GABRB1: variants seen among roughly 807,000 people sequenced by gnomAD.
GABRB1 encodes the protein gamma-aminobutyric acid type A receptor subunit beta1, also known as gamma-aminobutyric acid receptor subunit beta-1.
A neutral mutation model predicts 51.6 loss-of-function variants in GABRB1; 17 were observed. That is an observed-to-expected ratio of 0.33 (90% confidence interval 0.23 to 0.49). The LOEUF (loss-of-function observed/expected upper bound fraction) is 0.49. Ranked by LOEUF, GABRB1 falls within the 20% of genes least tolerant of loss-of-function variation. GABRB1 has a pLI of 0.99. For synonymous variants in GABRB1, 247 were observed against 218.9 expected, an observed-to-expected ratio of 1.13 and a Z score of -1.14; for missense variants, 410 against 600.6, an observed-to-expected ratio of 0.68 and a Z score of 3.32.
intron 5 of GABRB1, among the ~76,000 whole-genome samples, chr4:47,384,555 T>G (rs915334143): frequency 5.9e-5 from 9 of 152,118 alleles, no homozygotes; most frequent in African/African-American, 4.8e-5. Flanking sequence ...ATATTCTGAA[T>G]AGTTTCCCAC....
chr4:47,245,072 A>C (rs189320589), intron 4 of GABRB1, among the ~76,000 whole-genome samples: 2 of 152,156 alleles, frequency 1.3e-5, no homozygotes, highest in Non-Finnish European at 2.9e-5. Flanking sequence ...TTTTTTGAAA[A>C]GATCAACAAA....
intron 3 of GABRB1, among the ~76,000 whole-genome samples, chr4:47,093,739 T>C (rs897683816): frequency 6.6e-6 from 1 of 152,200 alleles, no homozygotes; most frequent in Non-Finnish European, 1.5e-5. Flanking sequence ...ATTGAAAATT[T>C]AAGAGTTGAT....
chr4:47,397,367 T>C (rs1231978941), intron 5 of GABRB1, among the ~76,000 whole-genome samples: 1 of 152,222 alleles, frequency 6.6e-6, no homozygotes, highest in African/African-American at 2.4e-5. Flanking sequence ...CATGATTTCT[T>C]AAGCTATCTT....
At chr4:47,341,967 A>G (rs796938182) in intron 5 of GABRB1, among the ~76,000 whole-genome samples, 1 of 152,170 alleles carries the variant, frequency 6.6e-6, no homozygotes, top group African/African-American at 2.4e-5. Context: ...AAGATTATTT[A>G]GGTCAACTCC....
At chr4:47,238,364 T>C (rs1006508329) in intron 4 of GABRB1, among the ~76,000 whole-genome samples, 3 of 152,160 alleles carry the variant, frequency 2.0e-5, no homozygotes, top group Non-Finnish European at 4.4e-5. Flanking sequence ...CAAAATTAAC[T>C]ATTTTTTAGA....
intron 3 of GABRB1, among the ~76,000 whole-genome samples, chr4:47,157,610 T>C (rs1275316005): frequency 2.6e-5 from 4 of 152,074 alleles, no homozygotes; most frequent in Admixed American, 2.6e-4. Flanking sequence ...ATAATAGATA[T>C]GAAAGGGTTA....
chr4:47,019,645 T>C (rs1267144405), intron 1 of GABRB1, among the ~76,000 whole-genome samples: 6 of 137,576 alleles, frequency 4.4e-5, no homozygotes, highest in South Asian at 4.9e-4. Context: ...CTTTCTTTCT[T>C]TCTTTCTTTC....
intron 4 of GABRB1, among the ~76,000 whole-genome samples, chr4:47,174,237 C>T (rs1171087242): frequency 6.6e-6 from 1 of 151,878 alleles, no homozygotes; most frequent in Non-Finnish European, 1.5e-5. Context: ...TTTGTGTCAT[C>T]ATTTATTTTT....
chr4:47,360,403 A>G (rs1560351060), intron 5 of GABRB1, among the ~76,000 whole-genome samples: 1 of 151,950 alleles, frequency 6.6e-6, no homozygotes, highest in Non-Finnish European at 1.5e-5. Context: ...TAAAAATGGA[A>G]TCCAGCCTCT....
intron 1 of GABRB1, among the ~76,000 whole-genome samples, chr4:47,008,852 C>CTT (rs777676653): frequency 0.016 from 879 of 56,478 alleles, 402 homozygotes; most frequent in African/African-American, 0.03. Context: ...TCAGATACTA[C>CTT]CTTTTTTTTT....
intron 3 of GABRB1, among the ~76,000 whole-genome samples, chr4:47,158,922 T>A (rs760268125): frequency 1.3e-5 from 2 of 152,022 alleles, no homozygotes; most frequent in Non-Finnish European, 2.9e-5. Flanking sequence ...TAAAGTACCT[T>A]AACCTTAATT....
intron 3 of GABRB1, among the ~76,000 whole-genome samples, chr4:47,047,104 G>T (rs1726128027): frequency 6.6e-6 from 1 of 152,008 alleles, no homozygotes; most frequent in Non-Finnish European, 1.5e-5. Flanking sequence ...CACAAGTTTA[G>T]CTGTGTAAGA....
At chr4:47,287,397 C>A (rs1304036800) in intron 4 of GABRB1, among the ~76,000 whole-genome samples, 2 of 152,218 alleles carry the variant, frequency 1.3e-5, no homozygotes, top group African/African-American at 2.4e-5. Flanking sequence ...TTCTATGACA[C>A]CTGATCCTAT....
intron 3 of GABRB1, among the ~76,000 whole-genome samples, chr4:47,091,963 T>C (rs920754771): frequency 5.3e-5 from 8 of 152,080 alleles, no homozygotes; most frequent in Non-Finnish European, 7.4e-5. Context: ...CTATCTCTGT[T>C]CAAATATTTC....
chr4:47,215,256 G>A (rs1389822625), intron 4 of GABRB1, among the ~76,000 whole-genome samples: 1 of 152,064 alleles, frequency 6.6e-6, no homozygotes, highest in East Asian at 1.9e-4. Flanking sequence ...ATAAGCTTGA[G>A]TCCTAGATGT....
At chr4:47,220,831 C>T (rs1007744296) in intron 4 of GABRB1, among the ~76,000 whole-genome samples, 2 of 152,006 alleles carry the variant, frequency 1.3e-5, no homozygotes, top group African/African-American at 4.8e-5. Context: ...CCTCTCCCAG[C>T]CCCTCTTGTG....
intron 4 of GABRB1, among the ~76,000 whole-genome samples, chr4:47,222,309 G>C (rs1720796250): frequency 6.6e-6 from 1 of 152,124 alleles, no homozygotes; most frequent in South Asian, 2.1e-4. Flanking sequence ...AGTATCAACT[G>C]TATGTGCCTC....
intron 4 of GABRB1, among the ~76,000 whole-genome samples, chr4:47,286,708 G>A (rs1723523570): frequency 6.6e-6 from 1 of 152,216 alleles, no homozygotes; most frequent in Non-Finnish European, 1.5e-5. Flanking sequence ...TGGATAATGA[G>A]TAAGCAAGTA....
chr4:47,321,199 T>G (rs1465730525), intron 5 of GABRB1, among the ~76,000 whole-genome samples: 1 of 152,164 alleles, frequency 6.6e-6, no homozygotes, highest in Admixed American at 6.5e-5. Flanking sequence ...TGTTAGAAAT[T>G]GACAGATGTT....
Sources: gnomAD v4.1 joint callset for allele counts (sites outside exome capture counted in the v4.1 genomes callset) on GRCh38, gnomAD v4.1.1 for gene constraint, MANE v1.5 for transcripts, NCBI Gene and HGNC (gene_info 2026-07-23, HGNC 2026-07-21) for gene names.